FAM167A: variants seen among roughly 807,000 people sequenced by gnomAD.
FAM167A encodes the protein protein FAM167A.
A neutral mutation model predicts 14.9 loss-of-function variants in FAM167A; 23 were observed. That is an observed-to-expected ratio of 1.55 (90% CI 1.11 to 2.19). FAM167A has a LOEUF of 2.19. Ranked by LOEUF, FAM167A falls within the 30% of genes most tolerant of loss-of-function variation. The probability of loss-of-function intolerance (pLI) is 0.00; values close to 1 mark genes in which losing one functional copy is unlikely to be tolerated. For synonymous variants in FAM167A, 174 were observed against 117.7 expected (o/e 1.48, Z -3.10); for missense variants, 401 against 281.5 (o/e 1.42, Z -3.04).
chr8:11,448,356 T>C (rs1333509007), intron 1 of FAM167A, among the ~76,000 whole-genome samples: 3 of 152,200 alleles, frequency 2.0e-5, no homozygotes, highest in Non-Finnish European at 4.4e-5. Context: ...AGGTTACAAA[T>C]GTGAGCTCTC....
At chr8:11,445,441 G>A (rs1239752872) in intron 1 of FAM167A, 6 of 985,702 alleles carry the variant, frequency 6.1e-6, no homozygotes, top group South Asian at 9.4e-5. Flanking sequence ...AGAGACAGAA[G>A]CAAATAAACC....
At chr8:11,448,973 A>C (rs1190456449) in intron 1 of FAM167A, among the ~76,000 whole-genome samples, 2 of 152,238 alleles carry the variant, frequency 1.3e-5, no homozygotes, top group African/African-American at 2.4e-5. Flanking sequence ...ACCCACCTGA[A>C]TAGGCGTGTG....
At chr8:11,424,734 A>T (rs754305260) in intron 2 of FAM167A, 98 bp from the exon 3 acceptor site, 13 of 1,479,188 alleles carry the variant, frequency 8.8e-6, no homozygotes, top group Non-Finnish European at 1.2e-5. Flanking sequence ...GTCTTAGTTC[A>T]TTAAGTGGTC....
intron 1 of FAM167A, among the ~76,000 whole-genome samples, chr8:11,456,656 G>C (rs911541076): frequency 1.1e-4 from 16 of 151,704 alleles, no homozygotes; most frequent in Middle Eastern, 3.4e-3. Flanking sequence ...TATTGGGTGT[G>C]TGCTCTGGGT....
intron 1 of FAM167A, among the ~76,000 whole-genome samples, chr8:11,475,346 A>T (rs1275851777): frequency 1.3e-5 from 2 of 152,278 alleles, no homozygotes; most frequent in Non-Finnish European, 2.9e-5. Context: ...TTCCAAGAGG[A>T]AAAACGATCT....
intron 1 of FAM167A, among the ~76,000 whole-genome samples, chr8:11,458,012 C>T (rs1013295173): frequency 7.2e-5 from 11 of 152,194 alleles, no homozygotes; most frequent in Non-Finnish European, 5.9e-5. Context: ...GTGCTGATGA[C>T]GCTGATGCGG....
At chr8:11,455,014 G>A (rs774555605) in intron 1 of FAM167A, among the ~76,000 whole-genome samples, 8 of 152,224 alleles carry the variant, frequency 5.3e-5, no homozygotes, top group Non-Finnish European at 8.8e-5. Context: ...AGCCTCATCT[G>A]CATTCCAAGC....
chr8:11,430,938 C>T (rs1171188194), intron 2 of FAM167A, among the ~76,000 whole-genome samples: 2 of 152,220 alleles, frequency 1.3e-5, no homozygotes, highest in East Asian at 3.8e-4. Flanking sequence ...GAAGAGCTGA[C>T]TCCTACCCTC....
chr8:11,445,577 G>C (rs965592739), intron 1 of FAM167A: 3 of 985,546 alleles, frequency 3.0e-6, no homozygotes, highest in Non-Finnish European at 3.6e-6. Flanking sequence ...GCACCTGTTT[G>C]GTAAAGACTT....
intron 1 of FAM167A, among the ~76,000 whole-genome samples, chr8:11,454,351 G>C (rs1412541129): frequency 6.6e-6 from 1 of 152,246 alleles, no homozygotes; most frequent in Admixed American, 6.5e-5. Flanking sequence ...AGCATCTCCT[G>C]ATTCCTCCGT....
At chr8:11,442,363 C>T (rs1806492543) in intron 2 of FAM167A, among the ~76,000 whole-genome samples, 1 of 152,136 alleles carries the variant, frequency 6.6e-6, no homozygotes, top group Non-Finnish European at 1.5e-5. Flanking sequence ...GTGGCGTAGG[C>T]TTTGGGAATC....
chr8:11,446,016 C>CAAAAAA (rs36111790), intron 1 of FAM167A, among the ~76,000 whole-genome samples: 2 of 84,298 alleles, frequency 2.4e-5, no homozygotes, highest in African/African-American at 4.9e-5. Flanking sequence ...ACATCCCGGC[C>CAAAAAA]AAAAAAAAAA....
intron 1 of FAM167A, among the ~76,000 whole-genome samples, chr8:11,460,331 G>A (rs1244593660): frequency 6.6e-6 from 1 of 152,212 alleles, no homozygotes; most frequent in Non-Finnish European, 1.5e-5. Flanking sequence ...CCCGACCTGG[G>A]AGTCAGCTAC....
At chr8:11,428,821 A>G (rs2117001078) in intron 2 of FAM167A, among the ~76,000 whole-genome samples, 1 of 152,236 alleles carries the variant, frequency 6.6e-6, no homozygotes, top group Non-Finnish European at 1.5e-5. Flanking sequence ...CACCTTAAAC[A>G]CTAACTTGAG....
At chr8:11,432,654 G>A (rs560896399) in intron 2 of FAM167A, among the ~76,000 whole-genome samples, 2 of 152,320 alleles carry the variant, frequency 1.3e-5, no homozygotes, top group South Asian at 2.1e-4. Flanking sequence ...AGACAGTATG[G>A]CGATTCCTCA....
Position 11,444,580 on chromosome 8 carries a change from G to A in FAM167A, c.-169C>T. On this transcript the variant is annotated 5_prime_UTR_variant, in exon 2 of 3. Coordinates refer to ENST00000284486, the MANE Select transcript of FAM167A (RefSeq NM_053279.3). ...GGCTGGGTGGCAGGGGAGCTGAGAG[G>A]GACCGCGCAGTGAGCCGCACAGGGC... is the stretch of plus-strand genomic sequence containing the variant. The A allele has an allele frequency of 7.0e-7, 1 of 1,436,088 alleles. No homozygotes were observed. Among genetic ancestry groups the A allele is most frequent in the Non-Finnish European group, 9.1e-7 (1 of 1,102,100 alleles). The allele number at this position is 1,436,088 out of a possible 1,614,324, so 89.0% of individuals were successfully genotyped here.
At chr8:11,429,323 C>CTTTGCTGGTCCTGTGTGGA in intron 2 of FAM167A, among the ~76,000 whole-genome samples, 1 of 152,202 alleles carries the variant, frequency 6.6e-6, no homozygotes, top group Non-Finnish European at 1.5e-5. Context: ...GAAGATATGT[C>CTTTGCTGGTCCTGTGTGGA]TTTGCTGGTC....
chr8:11,449,039 C>T (rs1386826340), intron 1 of FAM167A, among the ~76,000 whole-genome samples: 3 of 152,212 alleles, frequency 2.0e-5, no homozygotes, highest in Non-Finnish European at 4.4e-5. Context: ...GGTGGTCACC[C>T]GTAGCTGGCA....
chr8:11,427,479 G>A (rs1204531124), intron 2 of FAM167A, among the ~76,000 whole-genome samples: 3 of 152,176 alleles, frequency 2.0e-5, no homozygotes, highest in Non-Finnish European at 4.4e-5. Context: ...GACATGCTCG[G>A]CTGTGCCATT....
Sources: gnomAD v4.1 joint callset for allele counts (sites outside exome capture counted in the v4.1 genomes callset) on GRCh38, gnomAD v4.1.1 for gene constraint, MANE v1.5 for transcripts, NCBI Gene and HGNC (gene_info 2026-07-23, HGNC 2026-07-21) for gene names.